Variants in STARD13 observed in about 807,000 individuals in gnomAD.
STARD13 encodes the protein stAR-related lipid transfer protein 13.
STARD13 carries 62 observed loss-of-function variants against 106.4 expected under a neutral mutation model. The ratio of observed to expected loss-of-function variants is 0.58; its 90% confidence interval spans 0.48 to 0.72. The LOEUF (loss-of-function observed/expected upper bound fraction) is 0.72. Among genes scored for constraint, STARD13 ranks in the 30% least tolerant of loss-of-function variants. STARD13 has a pLI of 0.00. For synonymous variants in STARD13, 565 were observed against 553.0 expected (o/e 1.02, Z -0.31); for missense variants, 1,387 against 1,424.0 (o/e 0.97, Z 0.42).
the STARD13 span, among the ~76,000 whole-genome samples, chr13:33,525,190 T>A: frequency 1.3e-5 from 2 of 152,092 alleles, no homozygotes; most frequent in East Asian, 3.9e-4. Flanking sequence ...CCTGGCTACA[T>A]TTTTTTAGTT....
At chr13:33,195,676 A>C (rs1350844424) in intron 1 of STARD13, among the ~76,000 whole-genome samples, 1 of 152,204 alleles carries the variant, frequency 6.6e-6, no homozygotes, top group Non-Finnish European at 1.5e-5. Flanking sequence ...ATTATTTTCT[A>C]GGACTTAGTT....
At chr13:33,116,437 G>A (rs570100093) in intron 8 of STARD13, among the ~76,000 whole-genome samples, 7 of 152,270 alleles carry the variant, frequency 4.6e-5, no homozygotes, top group African/African-American at 1.7e-4. Flanking sequence ...TAAGATCAGA[G>A]AGTGAGTCTC....
chr13:33,465,193 G>GTCT, the STARD13 span, among the ~76,000 whole-genome samples: 14 of 123,332 alleles, frequency 1.1e-4, no homozygotes, highest in Admixed American at 1.7e-4. Context: ...CTCTTAATTG[G>GTCT]TCTTCTTCTT....
intron 1 of STARD13, among the ~76,000 whole-genome samples, chr13:33,208,261 T>G (rs1394574304): frequency 6.7e-6 from 1 of 149,952 alleles, no homozygotes; most frequent in East Asian, 2.0e-4. Context: ...GGAGTGGGAG[T>G]GGGAGAATCT....
chr13:33,598,708 C>A, the STARD13 span, among the ~76,000 whole-genome samples: 1 of 152,152 alleles, frequency 6.6e-6, no homozygotes, highest in Non-Finnish European at 1.5e-5. Context: ...TAATCTATAA[C>A]ATATAATCTT....
the STARD13 span, among the ~76,000 whole-genome samples, chr13:33,364,476 A>C: frequency 1.3e-5 from 2 of 152,212 alleles, no homozygotes; most frequent in South Asian, 4.1e-4. Flanking sequence ...TTAACGTGCA[A>C]GTTTGTTGTG....
At chr13:33,139,570 AT>A (rs1879532479) in intron 4 of STARD13, among the ~76,000 whole-genome samples, 1 of 152,122 alleles carries the variant, frequency 6.6e-6, no homozygotes. Flanking sequence ...GGAGGTGGGG[AT>A]TCTATTTCTA....
chr13:33,284,014 G>A (rs932716973), intron 1 of STARD13, among the ~76,000 whole-genome samples: 4 of 152,158 alleles, frequency 2.6e-5, no homozygotes, highest in African/African-American at 9.7e-5. Flanking sequence ...AAGCCTCGGT[G>A]TTCATAAAGA....
chr13:33,386,337 G>A, the STARD13 span, among the ~76,000 whole-genome samples: 9 of 152,122 alleles, frequency 5.9e-5, no homozygotes, highest in Non-Finnish European at 1.2e-4. Flanking sequence ...CCCTGCTCTT[G>A]TTAAATCACC....
intron 1 of STARD13, among the ~76,000 whole-genome samples, chr13:33,179,999 A>C (rs760756274): frequency 6.6e-6 from 1 of 152,318 alleles, no homozygotes; most frequent in East Asian, 1.9e-4. Context: ...TTGGGGTCAC[A>C]TGGCACCCAT....
At chr13:33,145,114 A>G (rs1880353179) in intron 3 of STARD13, among the ~76,000 whole-genome samples, 1 of 152,238 alleles carries the variant, frequency 6.6e-6, no homozygotes, top group African/African-American at 2.4e-5. Flanking sequence ...TGGAAAAAGC[A>G]GTTGCAAAAC....
intron 1 of STARD13, among the ~76,000 whole-genome samples, chr13:33,308,326 G>A (rs1892988639): frequency 6.6e-6 from 1 of 152,092 alleles, no homozygotes; most frequent in Admixed American, 6.6e-5. Flanking sequence ...ACTGTTTTGA[G>A]GCCAGTATGC....
the STARD13 span, among the ~76,000 whole-genome samples, chr13:33,540,742 G>A: frequency 0.076 from 11,638 of 152,262 alleles, 596 homozygotes; most frequent in East Asian, 0.28. Context: ...AATAAAGTGT[G>A]AGGCAAAGTC....
At chr13:33,125,622 T>C (rs1191975798) in intron 7 of STARD13, among the ~76,000 whole-genome samples, 1 of 151,596 alleles carries the variant, frequency 6.6e-6, no homozygotes, top group Non-Finnish European at 1.5e-5. Context: ...TGTGTTTGGT[T>C]TAAGTTTTCC....
intron 1 of STARD13, among the ~76,000 whole-genome samples, chr13:33,236,163 T>C (rs1889178794): frequency 1.3e-5 from 2 of 152,268 alleles, no homozygotes; most frequent in African/African-American, 4.8e-5. Context: ...TTTTGAAGAT[T>C]GAATCACTCT....
At chr13:33,155,661 AT>A (rs1025269795) in intron 3 of STARD13, 34 of 152,168 alleles carry the variant, frequency 2.2e-4, no homozygotes, top group Admixed American at 1.8e-3. Flanking sequence ...ATATAAAATC[AT>A]TTTTTATACA....
chr13:33,205,073 C>T lies in STARD13; in HGVS notation c.170-37451G>A, dbSNP rs566970665. On this transcript the variant is annotated intron_variant, in intron 1 of 13. Coordinates refer to ENST00000336934, the MANE Select transcript of STARD13 (RefSeq NM_178006.4). ...TGCTTTAGATCCCCTTGGAATTAGA[C>T]GAATCCTGGCCTAATAAAACATGCG... Among the ~76,000 whole-genome samples the T allele has an allele frequency of 4.6e-5, 7 of 152,328 alleles. No homozygotes were observed. The South Asian group carries it at 6.2e-4, about 14-fold the overall frequency.
chr13:33,361,080 C>T, the STARD13 span, among the ~76,000 whole-genome samples: 35 of 150,712 alleles, frequency 2.3e-4, no homozygotes, highest in African/African-American at 8.3e-4. Flanking sequence ...GCCGGGATTA[C>T]AGGCGTGAAC....
At chr13:33,582,064 CAAAAAA>C in the STARD13 span, among the ~76,000 whole-genome samples, 6,844 of 151,524 alleles carry the variant, frequency 0.045, 282 homozygotes, top group East Asian at 0.24. Flanking sequence ...ACTAAAAATA[CAAAAAA>C]AATTAGCTGG....
Sources: allele counts gnomAD v4.1 joint callset (sites outside exome capture counted in the v4.1 genomes callset), GRCh38; gene constraint gnomAD v4.1.1; transcripts MANE v1.5; gene names NCBI Gene and HGNC (gene_info 2026-07-23, HGNC 2026-07-21).